TRPM8: variants seen among roughly 807,000 people sequenced by gnomAD.
The protein encoded by TRPM8 is TRPM8 cationic channel.
TRPM8 carries 110 observed loss-of-function variants against 133.7 expected under a neutral mutation model. The observed-to-expected ratio is 0.82, with a 90% CI of 0.70 to 0.96. The LOEUF (loss-of-function observed/expected upper bound fraction) is 0.96. Among genes scored for constraint, TRPM8 ranks in the 40% least tolerant of loss-of-function variants. TRPM8 has a pLI of 0.00. For missense variants in TRPM8, 1,291 were observed against 1,379.5 expected (o/e 0.94, Z 1.02); for synonymous variants, 535 against 532.3 (o/e 1.01, Z -0.07).
rs1559555077 is a variant in TRPM8, at chr2:234,017,290, T to G, written c.*43-9T>G. The stretch of plus-strand genomic sequence containing the variant: ...TTCTTAACACAGTGTTCTTTCTTTG[T>G]TTTTACAGATCATATTAAGGAATGC... On this transcript the variant is annotated splice_polypyrimidine_tract_variant and intron_variant, in intron 25 of 25. Coordinates refer to ENST00000324695, the MANE Select transcript of TRPM8 (RefSeq NM_024080.5). 2.1e-6 allele frequency: 1 copy of G among 470,756 alleles called. No individual in the cohort carries two copies. The highest frequency in any genetic ancestry group is 2.3e-5 in the Admixed American group (1 of 42,564). The allele number at this position is 470,756 out of a possible 1,614,324, so 29.2% of individuals were successfully genotyped here. A position where few individuals can be genotyped will look rare whatever the true frequency, so the allele number is the denominator to read the frequency against.
At chr2:233,972,541 C>A (rs1053297291) in intron 17 of TRPM8, among the ~76,000 whole-genome samples, 1 of 152,198 alleles carries the variant, frequency 6.6e-6, no homozygotes, top group African/African-American at 2.4e-5. Context: ...GGAGGAGGCT[C>A]GGGCAGCACA....
chr2:234,009,558 G>A (rs1692780736), intron 24 of TRPM8, among the ~76,000 whole-genome samples: 1 of 152,108 alleles, frequency 6.6e-6, no homozygotes, highest in South Asian at 2.1e-4. Context: ...TGACTCCTAG[G>A]GTCCAGGAAG....
intron 12 of TRPM8, 92 bp from the exon 13 acceptor site, chr2:233,963,190 G>C: frequency 1.4e-6 from 1 of 715,758 alleles, no homozygotes; most frequent in Non-Finnish European, 2.4e-6. Context: ...CAAAGCCACA[G>C]AGCCCTCCAA....
chr2:233,963,430 C>T lies in TRPM8; in HGVS notation c.1749+53C>T, dbSNP rs1383565172. On this transcript the variant is annotated intron_variant, in intron 13 of 25. Coordinates refer to ENST00000324695, the MANE Select transcript of TRPM8 (RefSeq NM_024080.5). ...ACACCAAATATATGCTTTGTTATAA[C>T]AGTTCTGATCCTCTCAAAATTCGCA... 2.7e-6 allele frequency: 3 copies of T among 1,107,462 alleles called. No homozygotes were observed. In the Admixed American group the frequency reaches 6.4e-5, roughly 24 times the overall value. The allele number at this position is 1,107,462 out of a possible 1,614,324, so 68.6% of individuals were successfully genotyped here.
At chr2:233,997,667 TC>T (rs530143736) in intron 22 of TRPM8, among the ~76,000 whole-genome samples, 56 of 151,814 alleles carry the variant, frequency 3.7e-4, no homozygotes, top group African/African-American at 4.6e-4. Flanking sequence ...CTCTGGTGGC[TC>T]CCCCCTACCC....
chr2:233,982,728 G>A (rs1334164056), intron 19 of TRPM8, among the ~76,000 whole-genome samples: 1 of 152,194 alleles, frequency 6.6e-6, no homozygotes, highest in Non-Finnish European at 1.5e-5. Context: ...ATGAGGTACA[G>A]GGACAGAGAG....
At chr2:233,990,100 G>A (rs2125321374) in intron 21 of TRPM8, among the ~76,000 whole-genome samples, 1 of 152,338 alleles carries the variant, frequency 6.6e-6, no homozygotes, top group Admixed American at 6.5e-5. Context: ...TTATTGAATT[G>A]GGGTGAAAAG....
intron 1 of TRPM8, among the ~76,000 whole-genome samples, chr2:233,925,700 G>A (rs1226881957): frequency 6.6e-6 from 1 of 152,112 alleles, no homozygotes; most frequent in Non-Finnish European, 1.5e-5. Context: ...GAGCCAGGAG[G>A]AGGGGACTCA....
At chr2:233,920,996 A>G (rs1316678394) in intron 1 of TRPM8, among the ~76,000 whole-genome samples, 2 of 151,796 alleles carry the variant, frequency 1.3e-5, no homozygotes, top group Non-Finnish European at 2.9e-5. Context: ...AGCTGGGATT[A>G]CAGGTGCCCT....
chr2:233,932,496 G>C (rs1269884895), intron 3 of TRPM8, among the ~76,000 whole-genome samples: 1 of 152,172 alleles, frequency 6.6e-6, no homozygotes, highest in Non-Finnish European at 1.5e-5. Context: ...CAAGGCTTGG[G>C]AGATGTGTCC....
At chr2:233,942,069 A>AT (rs1690916920) in intron 5 of TRPM8, among the ~76,000 whole-genome samples, 11 of 119,108 alleles carry the variant, frequency 9.2e-5, no homozygotes, top group African/African-American at 1.6e-4. Context: ...AGGGTCAAGA[A>AT]TCTTTTTTTT....
chr2:234,007,697 T>C (rs1229878271), intron 23 of TRPM8, among the ~76,000 whole-genome samples: 1 of 152,220 alleles, frequency 6.6e-6, no homozygotes, highest in African/African-American at 2.4e-5. Flanking sequence ...CTGGGTTCAA[T>C]ACAGCTGTTG....
chr2:234,014,302 T>TA (rs1692907871), intron 24 of TRPM8, among the ~76,000 whole-genome samples: 1 of 152,318 alleles, frequency 6.6e-6, no homozygotes, highest in South Asian at 2.1e-4. Flanking sequence ...TTGGGAGCAC[T>TA]AATGATTTGG....
In TRPM8 at chr2:233,950,156, C is replaced by T. The variant is rs201156074; in HGVS notation, c.1140+10C>T. The T allele has an allele frequency of 2.5e-5, 41 of 1,610,222 alleles. 1 individual carries two copies. In the East Asian group the frequency reaches 3.8e-4, roughly 15 times the overall value. ...GAGTTGGATCAAATGGGTAAGTTGT[C>T]GGGACCATGTCTGAGGGCTGAGAAA... On this transcript the variant is annotated intron_variant, in intron 9 of 25. Coordinates refer to ENST00000324695, the MANE Select transcript of TRPM8 (RefSeq NM_024080.5).
Position 233,966,620 on chromosome 2 carries a change from T to C in TRPM8, c.1890T>C (p.Thr630=). The C allele has an allele frequency of 6.2e-7, 1 of 1,614,144 alleles. No homozygotes were observed. Among genetic ancestry groups the C allele is most frequent in the Non-Finnish European group, 8.5e-7 (1 of 1,180,010 alleles). ...EYETRAVELF[T]ECYSSDEDLA... Reference sequence around the variant, plus strand: ...CTGATGTCGCTGTAGAGCTGTTCACTGAGTGTTACAGCAGCGATGAAGACT... The same window carrying C: ...CTGATGTCGCTGTAGAGCTGTTCACCGAGTGTTACAGCAGCGATGAAGACT... The change falls in exon 15 of 26, where the codon ACT becomes ACC. Residue 630 remains threonine, a synonymous_variant. Transcript: ENST00000324695.
intron 1 of TRPM8, among the ~76,000 whole-genome samples, chr2:233,920,289 T>C (rs889664059): frequency 6.6e-6 from 1 of 152,260 alleles, no homozygotes; most frequent in Admixed American, 6.5e-5. Context: ...ATCTTGATTT[T>C]AATTTTTACT....
intron 2 of TRPM8, among the ~76,000 whole-genome samples, chr2:233,927,827 C>T (rs1165387640): frequency 2.8e-4 from 22 of 79,074 alleles, no homozygotes; most frequent in Non-Finnish European, 3.9e-4. Context: ...TTCCTTCCTT[C>T]CTTCCTTCCT....
chr2:233,921,777 T>G (rs926399798), intron 1 of TRPM8, among the ~76,000 whole-genome samples: 3 of 151,052 alleles, frequency 2.0e-5, no homozygotes, highest in Admixed American at 6.6e-5. Flanking sequence ...TTCAAGGGAT[T>G]CTGGTGACTC....
rs371283921 is a variant in TRPM8 at position 234,006,815 on chromosome 2, G to A, written c.3131-38G>A. ...TTAATTTAGGAAGCAAGGGGCAAAT[G>A]AAACAATTTGAATGTTTTCTTTTTC... On this transcript the variant is annotated intron_variant, in intron 22 of 25. Coordinates refer to ENST00000324695, the MANE Select transcript of TRPM8 (RefSeq NM_024080.5). 5 of 1,502,224 alleles carry A rather than the reference G, an allele frequency of 3.3e-6. No individual in the cohort carries two copies. In the African/African-American group the frequency reaches 6.9e-5, roughly 21 times the overall value. The allele number at this position is 1,502,224 out of a possible 1,614,324, so 93.1% of individuals were successfully genotyped here. A position where few individuals can be genotyped will look rare whatever the true frequency, so the allele number is the denominator to read the frequency against.
Sources: gnomAD v4.1 joint callset for allele counts (sites outside exome capture counted in the v4.1 genomes callset) on GRCh38, gnomAD v4.1.1 for gene constraint, MANE v1.5 for transcripts, NCBI Gene and HGNC (gene_info 2026-07-23, HGNC 2026-07-21) for gene names.